The following SDK1 variants were observed in gnomAD, a reference collection of about 807,000 sequenced individuals.
SDK1 encodes the protein protein sidekick-1.
A neutral mutation model predicts 245.5 loss-of-function variants in SDK1; 157 were observed. The observed-to-expected ratio is 0.64, with a 90% CI of 0.56 to 0.73. SDK1 has a LOEUF of 0.73. SDK1 is among the 30% of genes least tolerant of loss of function. The pLI, the probability that SDK1 is intolerant of heterozygous loss-of-function variation, is 0.00. For synonymous variants in SDK1, 1,647 were observed against 1,278.5 expected (o/e 1.29, Z -6.15); for missense variants, 3,583 against 3,002.3 (o/e 1.19, Z -4.52).
intron 1 of SDK1, among the ~76,000 whole-genome samples, chr7:3,323,330 T>C (rs1379039307): frequency 6.6e-6 from 1 of 152,268 alleles, no homozygotes; most frequent in African/African-American, 2.4e-5. Context: ...GAATATGTTG[T>C]ATAATTCTTT....
chr7:3,400,934 C>T (rs1778872433), intron 1 of SDK1, among the ~76,000 whole-genome samples: 1 of 150,578 alleles, frequency 6.6e-6, no homozygotes, highest in South Asian at 2.1e-4. Context: ...AGGTCTGCCT[C>T]AGCTGGCCGA....
At chr7:3,939,224 C>G (rs770822591) in intron 5 of SDK1, among the ~76,000 whole-genome samples, 54 of 152,294 alleles carry the variant, frequency 3.5e-4, no homozygotes, top group Non-Finnish European at 1.5e-4. Context: ...CTGCCCTGTC[C>G]CCACACATGT....
intron 14 of SDK1, among the ~76,000 whole-genome samples, chr7:4,007,162 C>T (rs1042457246): frequency 6.6e-6 from 1 of 152,164 alleles, no homozygotes; most frequent in Non-Finnish European, 1.5e-5. Flanking sequence ...GAAAAGATGG[C>T]GTTCCTGAAT....
chr7:3,565,266 A>C (rs1779875362), intron 1 of SDK1, among the ~76,000 whole-genome samples: 1 of 152,140 alleles, frequency 6.6e-6, no homozygotes, highest in African/African-American at 2.4e-5. Flanking sequence ...AAAGCATCTA[A>C]ATTGCATCCA....
intron 1 of SDK1, among the ~76,000 whole-genome samples, chr7:3,516,097 C>G (rs924345828): frequency 4.1e-5 from 6 of 145,394 alleles, no homozygotes; most frequent in Non-Finnish European, 9.0e-5. Context: ...TGTTCCTGTT[C>G]TTTAATTCAG....
intron 4 of SDK1, among the ~76,000 whole-genome samples, chr7:3,700,002 ATG>A (rs1784694082): frequency 0.026 from 2 of 78 alleles, no homozygotes; most frequent in Non-Finnish European, 0.056. Context: ...ATGTCATCAG[ATG>A]ATCTCTCATC....
intron 14 of SDK1, 83 bp downstream of exon 14, chr7:3,987,405 G>C (rs1186871355): frequency 1.6e-5 from 23 of 1,428,054 alleles, no homozygotes; most frequent in Non-Finnish European, 1.9e-5. Flanking sequence ...TTTACTTCTG[G>C]GTCAGACCCA....
At chr7:3,809,763 G>T (rs970675295) in intron 4 of SDK1, among the ~76,000 whole-genome samples, 1 of 152,224 alleles carries the variant, frequency 6.6e-6, no homozygotes, top group African/African-American at 2.4e-5. Context: ...ATCACGTGGA[G>T]CGAGGGTCAA....
chr7:3,428,288 G>A (rs1227426610), intron 1 of SDK1, among the ~76,000 whole-genome samples: 1 of 152,146 alleles, frequency 6.6e-6, no homozygotes, highest in Non-Finnish European at 1.5e-5. Flanking sequence ...ATTTATCATA[G>A]TAACTGACAT....
At chr7:3,333,385 A>G (rs1248909047) in intron 1 of SDK1, among the ~76,000 whole-genome samples, 3 of 152,164 alleles carry the variant, frequency 2.0e-5, no homozygotes, top group Admixed American at 6.5e-5. Context: ...GTTACATTTC[A>G]TAACCTTATG....
intron 13 of SDK1, among the ~76,000 whole-genome samples, chr7:3,974,949 C>A (rs59190573): frequency 6.6e-6 from 1 of 152,128 alleles, no homozygotes; most frequent in African/African-American, 2.4e-5. Flanking sequence ...AGGTCGTTCC[C>A]GTGAAAGCCA....
chr7:3,714,217 A>C (rs935744998), intron 4 of SDK1, among the ~76,000 whole-genome samples: 1 of 152,234 alleles, frequency 6.6e-6, no homozygotes, highest in African/African-American at 2.4e-5. Context: ...CAGAGGCTGC[A>C]GATAGACCAG....
At chr7:4,046,368 TTCTA>T (rs1313910894) in intron 17 of SDK1, among the ~76,000 whole-genome samples, 2 of 152,210 alleles carry the variant, frequency 1.3e-5, no homozygotes, top group South Asian at 2.1e-4. Flanking sequence ...GTCCTTGATA[TTCTA>T]TCTGAGAAAT....
At chr7:4,167,321 C>T (rs986302535) in intron 32 of SDK1, among the ~76,000 whole-genome samples, 8 of 152,094 alleles carry the variant, frequency 5.3e-5, no homozygotes, top group African/African-American at 1.9e-4. Context: ...CGAGAGGCTA[C>T]AGTGAGCAAC....
chr7:3,808,928 A>G (rs1779317190), intron 4 of SDK1, among the ~76,000 whole-genome samples: 2 of 152,212 alleles, frequency 1.3e-5, no homozygotes, highest in Admixed American at 1.3e-4. Flanking sequence ...GTGCGTGAGC[A>G]TGATCTATCC....
chr7:3,351,653 CAT>C lies in SDK1; in HGVS notation c.298+49771_298+49772del, dbSNP rs1324635715. 1.2e-4 allele frequency among the ~76,000 whole-genome samples: 19 copies of C among 152,162 alleles called. 1 individual carries two copies. Among genetic ancestry groups the C allele is most frequent in the African/African-American group, 4.3e-4 (18 of 41,536 alleles). ...GGTATAACATGTTGATATCAGACAA[CAT>C]AGAAATCAAGGCAAAAGGCATTAGA... On this transcript the variant is annotated intron_variant, in intron 1 of 44. Coordinates refer to ENST00000404826, the MANE Select transcript of SDK1 (RefSeq NM_152744.4).
chr7:3,763,610 A>G (rs1780167389), intron 4 of SDK1, among the ~76,000 whole-genome samples: 1 of 152,246 alleles, frequency 6.6e-6, no homozygotes, highest in Admixed American at 6.5e-5. Context: ...TTTGCACACA[A>G]TAAAATGGAT....
chr7:4,007,710 TTC>T (rs1290662130), intron 14 of SDK1, among the ~76,000 whole-genome samples: 5 of 152,060 alleles, frequency 3.3e-5, no homozygotes, highest in Non-Finnish European at 7.4e-5. Context: ...GTTTCAGCAA[TTC>T]TCTGTCTCAG....
chr7:3,501,568 G>T (rs1369053517), intron 1 of SDK1, among the ~76,000 whole-genome samples: 2 of 152,088 alleles, frequency 1.3e-5, no homozygotes, highest in African/African-American at 4.8e-5. Context: ...TCATACAACA[G>T]AATTCTAAGT....
Sources: gnomAD v4.1 joint callset for allele counts (sites outside exome capture counted in the v4.1 genomes callset) on GRCh38, gnomAD v4.1.1 for gene constraint, MANE v1.5 for transcripts, NCBI Gene and HGNC (gene_info 2026-07-23, HGNC 2026-07-21) for gene names.